Variants in KIF16B observed in about 807,000 individuals in gnomAD.
The protein encoded by KIF16B is kinesin-like protein KIF16B.
KIF16B carries 98 observed loss-of-function variants against 156.3 expected under a neutral mutation model. That is an observed-to-expected ratio of 0.63 (90% confidence interval 0.53 to 0.74). KIF16B has a LOEUF of 0.74. KIF16B is among the 30% of genes least tolerant of loss of function. The probability of loss-of-function intolerance (pLI) is 0.00; values close to 1 mark genes in which losing one functional copy is unlikely to be tolerated. For missense variants in KIF16B, 1,421 were observed against 1,606.5 expected (o/e 0.88, Z 1.97); for synonymous variants, 564 against 583.7 (o/e 0.97, Z 0.49).
intron 12 of KIF16B, among the ~76,000 whole-genome samples, chr20:16,439,444 C>T (rs2146515192): frequency 1.3e-5 from 2 of 152,272 alleles, no homozygotes; most frequent in Middle Eastern, 6.8e-3. Flanking sequence ...ACCTCTCCAA[C>T]CTCATCTCCC....
At chr20:16,395,048 T>G (rs781284227) in intron 17 of KIF16B, among the ~76,000 whole-genome samples, 1 of 150,866 alleles carries the variant, frequency 6.6e-6, no homozygotes, top group Non-Finnish European at 1.5e-5. Context: ...TCTGGAAGTG[T>G]ACAGTCGTGG....
At position 16,316,373 on chromosome 20, in the gene KIF16B, C is replaced by T. The variant is rs113851286; in HGVS notation, c.3712-3955G>A. Among the ~76,000 whole-genome samples, 655 of 152,226 alleles carry T rather than the reference C, an allele frequency of 4.3e-3. 9 individuals are homozygous for T. The highest frequency in any genetic ancestry group is 0.015 in the African/African-American group (617 of 41,530). ...GAAGTATCTTATATTTTAAAATATA[C>T]TACATTAAAGTAGTGAAAGCATTGG... On this transcript the variant is annotated intron_variant, in intron 24 of 25. Coordinates refer to ENST00000354981, the MANE Select transcript of KIF16B (RefSeq NM_024704.5).
chr20:16,535,037 A>G (rs1056335526), intron 1 of KIF16B, among the ~76,000 whole-genome samples: 6 of 152,118 alleles, frequency 3.9e-5, no homozygotes, highest in Middle Eastern at 3.4e-3. Flanking sequence ...CTGAAAAACA[A>G]TGTTGGTATT....
At chr20:16,385,391 C>T (rs762426534) in intron 17 of KIF16B, among the ~76,000 whole-genome samples, 1 of 152,034 alleles carries the variant, frequency 6.6e-6, no homozygotes, top group East Asian at 1.9e-4. Flanking sequence ...AGATGACCCT[C>T]GGGTTTCTGT....
intron 25 of KIF16B, among the ~76,000 whole-genome samples, chr20:16,274,823 G>A (rs2063036813): frequency 6.6e-6 from 1 of 152,174 alleles, no homozygotes; most frequent in Admixed American, 6.5e-5. Flanking sequence ...AAATGTCGAC[G>A]ATGCCACAGT....
intron 1 of KIF16B, among the ~76,000 whole-genome samples, chr20:16,554,469 C>CA (rs2070775811): frequency 6.6e-6 from 1 of 152,192 alleles, no homozygotes; most frequent in Non-Finnish European, 1.5e-5. Context: ...CTGCCTGCTA[C>CA]CCAGTGCGGG....
intron 15 of KIF16B, among the ~76,000 whole-genome samples, chr20:16,425,691 T>A (rs1600364738): frequency 6.6e-6 from 1 of 152,222 alleles, no homozygotes; most frequent in East Asian, 1.9e-4. Context: ...AAAGTGAACA[T>A]CATCAGTCAC....
At chr20:16,332,844 T>C (rs1432835293) in intron 24 of KIF16B, among the ~76,000 whole-genome samples, 1 of 152,202 alleles carries the variant, frequency 6.6e-6, no homozygotes, top group Non-Finnish European at 1.5e-5. Flanking sequence ...TCCTTTAAAC[T>C]TTAGGCTTAT....
intron 12 of KIF16B, among the ~76,000 whole-genome samples, chr20:16,469,254 TAAAAAAAAA>T (rs57114751): frequency 4.5e-5 from 3 of 66,080 alleles, no homozygotes; most frequent in Admixed American, 3.8e-4. Context: ...CCCTGTGTCT[TAAAAAAAAA>T]AAAAAAAAAA....
chr20:16,302,208 A>T (rs926376052), intron 25 of KIF16B, among the ~76,000 whole-genome samples: 5 of 152,162 alleles, frequency 3.3e-5, no homozygotes, highest in Admixed American at 2.0e-4. Flanking sequence ...ATCCAAAGTC[A>T]TCTAGGTTTT....
intron 12 of KIF16B, among the ~76,000 whole-genome samples, chr20:16,432,814 A>C (rs6075055): frequency 0.049 from 7,497 of 152,344 alleles, 339 homozygotes; most frequent in East Asian, 0.19. Context: ...TAATTTAACA[A>C]CCATTAAATA....
Position 16,430,932 on chromosome 20 carries a change from AAAAAAAC to A in KIF16B, c.1303-957_1303-951del, listed in dbSNP as rs747284120. Among the ~76,000 whole-genome samples the A allele has an allele frequency of 1.9e-4, 28 of 149,778 alleles. 2 individuals carry two copies. Among genetic ancestry groups the A allele is most frequent in the Admixed American group, 9.9e-4 (15 of 15,150 alleles). The stretch of plus-strand genomic sequence containing the variant: ...CAGGCAGCACAAATTTAACACATTA[AAAAAAAC>A]AAAAAACAAAAAACAAAACAAACAA... On this transcript the variant is annotated intron_variant, in intron 12 of 25. Coordinates refer to ENST00000354981, the MANE Select transcript of KIF16B (RefSeq NM_024704.5).
chr20:16,375,154 T>C (rs1055417092), intron 19 of KIF16B, among the ~76,000 whole-genome samples: 33 of 152,246 alleles, frequency 2.2e-4, no homozygotes, highest in African/African-American at 8.0e-4. Flanking sequence ...CCAGGCATAC[T>C]TGAATCCAGC....
At chr20:16,562,557 G>T (rs62196310) in intron 1 of KIF16B, among the ~76,000 whole-genome samples, 2 of 152,056 alleles carry the variant, frequency 1.3e-5, no homozygotes, top group Non-Finnish European at 2.9e-5. Flanking sequence ...AAAGTAAGAG[G>T]CATGTGTGGA....
In KIF16B at chr20:16,370,680, T is replaced by C. The variant is rs1366718166; in HGVS notation, c.3448-44A>G. The stretch of plus-strand genomic sequence containing the variant: ...GCCCTCTATATTAAATTATAGCAAG[T>C]TCACGGGGCGGGGGACTGATTCGAT... On this transcript the variant is annotated intron_variant, in intron 21 of 25. Transcript: ENST00000354981. 2.7e-6 allele frequency: 4 copies of C among 1,462,840 alleles called. No individual in the cohort carries two copies. In the African/African-American group the frequency reaches 5.8e-5, roughly 21 times the overall value. 90.6% of individuals were successfully genotyped at this position (1,462,840 alleles called of 1,614,324 possible).
Position 16,301,930 on chromosome 20 carries a change from G to A in KIF16B, c.3795+10405C>T, listed in dbSNP as rs563456600. Among the ~76,000 whole-genome samples the A allele has an allele frequency of 1.5e-3, 221 of 152,300 alleles. 2 individuals are homozygous for A. The highest frequency in any genetic ancestry group is 4.9e-3 in the African/African-American group (205 of 41,580). ...CTCTCAAAGTGTTGGGATTACAGGC[G>A]TGAGCCACCATGCTTGGCCTCTTTT... On this transcript the variant is annotated intron_variant, in intron 25 of 25. Transcript: ENST00000354981.
At chr20:16,504,325 T>C (rs760272519) in intron 10 of KIF16B, 47 bp downstream of exon 10, 2 of 1,566,756 alleles carry the variant, frequency 1.3e-6, no homozygotes, top group Non-Finnish European at 1.8e-6. Context: ...TAGAAATAGA[T>C]GCCATTACTC....
At chr20:16,302,578 T>G (rs1204813206) in intron 25 of KIF16B, among the ~76,000 whole-genome samples, 1 of 152,184 alleles carries the variant, frequency 6.6e-6, no homozygotes, top group Non-Finnish European at 1.5e-5. Flanking sequence ...GTGAGTTGAA[T>G]CTATAGACCA....
intron 7 of KIF16B, 108 bp downstream of exon 7, chr20:16,507,850 C>T (rs977515823): frequency 1.6e-5 from 19 of 1,205,534 alleles, no homozygotes; most frequent in Non-Finnish European, 2.3e-5. Flanking sequence ...AGTCAGTCAC[C>T]TTTACCTGCT....
Sources: allele counts gnomAD v4.1 joint callset (sites outside exome capture counted in the v4.1 genomes callset), GRCh38; gene constraint gnomAD v4.1.1; transcripts MANE v1.5; gene names NCBI Gene and HGNC (gene_info 2026-07-23, HGNC 2026-07-21).